ITGA9: variants seen among roughly 807,000 people sequenced by gnomAD.
The protein encoded by ITGA9 is integrin subunit alpha 9.
Under a neutral mutation model 127.8 loss-of-function variants are expected in ITGA9, and 56 were observed. That is an observed-to-expected ratio of 0.44 (90% CI 0.35 to 0.55). The LOEUF is 0.55. Among genes scored for constraint, ITGA9 ranks in the 20% least tolerant of loss-of-function variants. ITGA9 has a pLI of 0.00. For missense variants in ITGA9, 1,196 were observed against 1,347.1 expected (o/e 0.89, Z 1.76); for synonymous variants, 508 against 514.5 (o/e 0.99, Z 0.17).
intron 15 of ITGA9, among the ~76,000 whole-genome samples, chr3:37,594,042 T>C (rs1464419031): frequency 6.6e-6 from 1 of 152,178 alleles, no homozygotes; most frequent in Admixed American, 6.5e-5. Flanking sequence ...CACAGGCCAC[T>C]TTGCCACTGG....
At chr3:37,498,811 G>A (rs1698759865) in intron 5 of ITGA9, among the ~76,000 whole-genome samples, 1 of 152,180 alleles carries the variant, frequency 6.6e-6, no homozygotes, top group South Asian at 2.1e-4. Context: ...TCCTTAAACA[G>A]GAGGTCTTTG....
At chr3:37,515,443 C>A (rs1219461822) in intron 9 of ITGA9, among the ~76,000 whole-genome samples, 1 of 152,122 alleles carries the variant, frequency 6.6e-6, no homozygotes, top group Non-Finnish European at 1.5e-5. Context: ...CCTTATGTTG[C>A]GTCTGAGGTT....
At chr3:37,704,707 A>G (rs981059144) in intron 18 of ITGA9, among the ~76,000 whole-genome samples, 6 of 152,078 alleles carry the variant, frequency 3.9e-5, no homozygotes, top group African/African-American at 1.4e-4. Context: ...GCTTTGTGCT[A>G]TTGGCATGGT....
At position 37,669,141 on chromosome 3, in the gene ITGA9, C is replaced by T. The variant is rs117722279; in HGVS notation, c.1917-14724C>T. Among the ~76,000 whole-genome samples the T allele has an allele frequency of 1.2e-4, 19 of 152,282 alleles. No individual in the cohort carries two copies. In the East Asian group the frequency reaches 2.9e-3, roughly 23 times the overall value. ...CCAGGTGATCTTGATCCAAAAATGA[C>T]GAGGCTGGGTGGTTGCCATTGGTGT... On this transcript the variant is annotated intron_variant, in intron 17 of 27. Coordinates refer to ENST00000264741, the MANE Select transcript of ITGA9 (RefSeq NM_002207.3).
At position 37,567,533 on chromosome 3, in the gene ITGA9, G is replaced by A. The variant is rs544509133; in HGVS notation, c.1689+24948G>A. Among the ~76,000 whole-genome samples the A allele has an allele frequency of 3.9e-5, 6 of 152,196 alleles. No individual in the cohort carries two copies. The South Asian group carries it at 1.2e-3, about 32-fold the overall frequency. ...TTCAGCATTAACTCAAAAGTCCACA[G>A]TCCAAAGTCTCATATGAGACAAGGC... On this transcript the variant is annotated intron_variant, in intron 15 of 27. Coordinates refer to ENST00000264741, the MANE Select transcript of ITGA9 (RefSeq NM_002207.3).
At chr3:37,572,242 G>C (rs1317368232) in intron 15 of ITGA9, among the ~76,000 whole-genome samples, 3 of 152,038 alleles carry the variant, frequency 2.0e-5, no homozygotes, top group Non-Finnish European at 4.4e-5. Context: ...CTTTCCCTTT[G>C]TTTCTTCGAG....
intron 15 of ITGA9, among the ~76,000 whole-genome samples, chr3:37,614,352 G>A (rs1287721657): frequency 6.6e-6 from 1 of 152,070 alleles, no homozygotes; most frequent in Admixed American, 6.5e-5. Flanking sequence ...GTACCATGCT[G>A]TTTTGGTTAC....
At chr3:37,504,761 A>G (rs1698823580) in intron 6 of ITGA9, among the ~76,000 whole-genome samples, 1 of 152,170 alleles carries the variant, frequency 6.6e-6, no homozygotes, top group African/African-American at 2.4e-5. Context: ...TCTCACTCAG[A>G]ATACTCTTAG....
chr3:37,459,141 C>A (rs1327941715), intron 1 of ITGA9, among the ~76,000 whole-genome samples: 3 of 152,194 alleles, frequency 2.0e-5, no homozygotes, highest in African/African-American at 7.2e-5. Context: ...GCAACAGTAG[C>A]AACAATAACA....
intron 23 of ITGA9, among the ~76,000 whole-genome samples, chr3:37,770,315 G>A (rs374315396): frequency 1.1e-4 from 16 of 152,246 alleles, no homozygotes; most frequent in African/African-American, 2.6e-4. Flanking sequence ...GACCATAAGC[G>A]ATTTCCCAGG....
chr3:37,787,899 C>T (rs529433992), intron 26 of ITGA9, among the ~76,000 whole-genome samples: 2 of 152,306 alleles, frequency 1.3e-5, no homozygotes, highest in South Asian at 2.1e-4. Flanking sequence ...AACCACATAA[C>T]GTGTGCACGG....
intron 18 of ITGA9, among the ~76,000 whole-genome samples, chr3:37,708,861 C>T (rs1293500849): frequency 2.0e-5 from 3 of 152,212 alleles, no homozygotes; most frequent in Non-Finnish European, 2.9e-5. Flanking sequence ...ATGAATACGT[C>T]AAGCCACTTC....
intron 22 of ITGA9, chr3:37,748,748 A>C: frequency 1.6e-5 from 1 of 62,040 alleles, no homozygotes. Flanking sequence ...ACTCTGTCTT[A>C]AAAAAAAAAA....
At chr3:37,609,855 C>G (rs1412799170) in intron 15 of ITGA9, among the ~76,000 whole-genome samples, 1 of 152,202 alleles carries the variant, frequency 6.6e-6, no homozygotes, top group Non-Finnish European at 1.5e-5. Context: ...AGACCCCCAG[C>G]ATTCTCTTCA....
At chr3:37,761,310 T>C (rs1472898108) in intron 23 of ITGA9, among the ~76,000 whole-genome samples, 1 of 152,212 alleles carries the variant, frequency 6.6e-6, no homozygotes, top group East Asian at 1.9e-4. Context: ...AAATTTAAAA[T>C]ATGAATATCA....
chr3:37,665,674 C>T (rs371353187), intron 17 of ITGA9, among the ~76,000 whole-genome samples: 13 of 152,130 alleles, frequency 8.5e-5, no homozygotes, highest in South Asian at 4.1e-4. Context: ...AGGCGGGTCT[C>T]GAAATCCTGA....
At chr3:37,466,430 G>A (rs904852985) in intron 1 of ITGA9, among the ~76,000 whole-genome samples, 1 of 141,624 alleles carries the variant, frequency 7.1e-6, no homozygotes, top group African/African-American at 2.6e-5. Context: ...GTTGCAGTGA[G>A]CGGAGATCGC....
At chr3:37,664,684 GA>G (rs1388358447) in intron 17 of ITGA9, among the ~76,000 whole-genome samples, 7 of 151,698 alleles carry the variant, frequency 4.6e-5, no homozygotes, top group Admixed American at 6.6e-5. Flanking sequence ...TTACAGGCAT[GA>G]ACCACCGCGC....
At chr3:37,744,149 G>A (rs868261450) in intron 22 of ITGA9, 115 bp downstream of exon 22, 34 of 760,868 alleles carry the variant, frequency 4.5e-5, no homozygotes, top group African/African-American at 4.1e-4. Flanking sequence ...TGGTTGGCTG[G>A]TGTGGTGTGT....
Sources: gnomAD v4.1 joint callset for allele counts (sites outside exome capture counted in the v4.1 genomes callset) on GRCh38, gnomAD v4.1.1 for gene constraint, MANE v1.5 for transcripts, NCBI Gene and HGNC (gene_info 2026-07-23, HGNC 2026-07-21) for gene names.